The following CADPS2 variants were observed in gnomAD, a reference collection of about 807,000 sequenced individuals.
CADPS2 encodes the protein calcium dependent secretion activator 2, also known as calcium-dependent secretion activator 2.
A neutral mutation model predicts 172.5 loss-of-function variants in CADPS2; 93 were observed. The observed-to-expected ratio is 0.54, with a 90% CI of 0.46 to 0.64. The LOEUF is 0.64. Among genes scored for constraint, CADPS2 ranks in the 30% least tolerant of loss-of-function variants. CADPS2 has a pLI of 0.00. For synonymous variants in CADPS2, 546 were observed against 555.2 expected (o/e 0.98, Z 0.23); for missense variants, 1,420 against 1,565.9 (o/e 0.91, Z 1.57).
Position 122,319,036 on chromosome 7 carries a change from CAAG to C in CADPS2, c.*1126_*1128del, listed in dbSNP as rs1212008205. ...AATACAATTATCTCTCAAACCCTAG[CAAG>C]AAAATATTTTGAGAGAACCACTAAT... On this transcript the variant is annotated 3_prime_UTR_variant, in exon 30 of 30. Coordinates refer to ENST00000449022, the MANE Select transcript of CADPS2 (RefSeq NM_017954.11). The C allele has an allele frequency of 6.6e-6, 1 of 152,036 alleles. No homozygotes were observed. The highest frequency in any genetic ancestry group is 2.4e-5 in the African/African-American group (1 of 41,394). The allele number at this position is 152,036 out of a possible 1,614,324, so 9.4% of individuals were successfully genotyped here. A position where few individuals can be genotyped will look rare whatever the true frequency, so the allele number is the denominator to read the frequency against.
At chr7:122,361,092 A>T (rs979076524) in intron 25 of CADPS2, 79 bp from the exon 26 acceptor site, 5 of 1,191,168 alleles carry the variant, frequency 4.2e-6, no homozygotes, top group Non-Finnish European at 6.0e-6. Context: ...TCCTGAATCA[A>T]TTTCTTCCAT....
At chr7:122,384,813 A>G (rs1170145271) in intron 24 of CADPS2, among the ~76,000 whole-genome samples, 9 of 152,064 alleles carry the variant, frequency 5.9e-5, no homozygotes, top group African/African-American at 1.4e-4. Context: ...CAATGTAACA[A>G]TGTTCATCAT....
intron 14 of CADPS2, among the ~76,000 whole-genome samples, chr7:122,457,017 T>G (rs1328091730): frequency 6.6e-6 from 1 of 152,142 alleles, no homozygotes; most frequent in East Asian, 1.9e-4. Flanking sequence ...AGCTCTAAAT[T>G]GAAAAAGGTA....
intron 8 of CADPS2, among the ~76,000 whole-genome samples, chr7:122,529,800 G>A (rs1164253051): frequency 6.6e-6 from 1 of 152,042 alleles, no homozygotes; most frequent in Admixed American, 6.6e-5. Flanking sequence ...CTGGGTATGA[G>A]GTTTGATTCA....
intron 1 of CADPS2, among the ~76,000 whole-genome samples, chr7:122,799,364 C>T (rs1207925317): frequency 6.6e-6 from 1 of 152,118 alleles, no homozygotes; most frequent in Non-Finnish European, 1.5e-5. Flanking sequence ...CTTTGGGAGG[C>T]CAAGGCGGGT....
intron 7 of CADPS2, among the ~76,000 whole-genome samples, chr7:122,563,344 T>C (rs1176367238): frequency 6.6e-6 from 1 of 152,174 alleles, no homozygotes; most frequent in African/African-American, 2.4e-5. Context: ...TTTTTACTAG[T>C]CTGATTATAA....
chr7:122,570,290 C>T (rs545404799), intron 7 of CADPS2, among the ~76,000 whole-genome samples: 13 of 152,290 alleles, frequency 8.5e-5, no homozygotes, highest in South Asian at 2.1e-4. Context: ...AAATGCTCAT[C>T]GTCACTGACC....
chr7:122,686,511 A>G (rs574670743), intron 2 of CADPS2, among the ~76,000 whole-genome samples: 13 of 152,328 alleles, frequency 8.5e-5, no homozygotes, highest in African/African-American at 2.9e-4. Flanking sequence ...TTGGTGAACC[A>G]GATTGCTGCC....
chr7:122,527,206 C>T (rs995411622), intron 8 of CADPS2, among the ~76,000 whole-genome samples: 4 of 152,044 alleles, frequency 2.6e-5, no homozygotes, highest in Admixed American at 2.6e-4. Flanking sequence ...CATGGAGCAG[C>T]TGCTGTGAAA....
At chr7:122,828,131 G>A (rs1584711852) in intron 1 of CADPS2, among the ~76,000 whole-genome samples, 1 of 151,968 alleles carries the variant, frequency 6.6e-6, no homozygotes, top group Admixed American at 6.6e-5. Flanking sequence ...CTCTGTGGTA[G>A]GTTTACCCTG....
intron 2 of CADPS2, among the ~76,000 whole-genome samples, chr7:122,730,755 A>G (rs1244212860): frequency 6.6e-6 from 1 of 151,626 alleles, no homozygotes; most frequent in Non-Finnish European, 1.5e-5. Context: ...TTTATAATGT[A>G]CTATTTTTAG....
chr7:122,679,147 C>T (rs1032458253), intron 2 of CADPS2, among the ~76,000 whole-genome samples: 4 of 151,394 alleles, frequency 2.6e-5, no homozygotes, highest in African/African-American at 7.3e-5. Context: ...GCCTGTGGGC[C>T]GGGCAGGACA....
chr7:122,645,404 C>T (rs866253469), intron 3 of CADPS2, among the ~76,000 whole-genome samples: 20 of 26,188 alleles, frequency 7.6e-4, no homozygotes, highest in African/African-American at 1.0e-3. Context: ...TATATATGTA[C>T]ATATACACAC....
chr7:122,877,490 C>T (rs576975338), intron 1 of CADPS2, among the ~76,000 whole-genome samples: 3 of 152,052 alleles, frequency 2.0e-5, no homozygotes, highest in Non-Finnish European at 4.4e-5. Flanking sequence ...GCTTCAACTG[C>T]CTACCTAGAA....
Position 122,527,617 on chromosome 7 carries a change from A to AGAGAGAGAGAGAGAGAGAGTGTGT in CADPS2, c.1476-14303_1476-14302insACACACTCTCTCTCTCTCTCTCTC. On this transcript the variant is annotated intron_variant, in intron 8 of 29. Transcript: ENST00000449022. The stretch of plus-strand genomic sequence containing the variant: ...GAGAGAGAGAGAGAGAGAGAGAGAG[A>AGAGAGAGAGAGAGAGAGAGTGTGT]GTGTGTGTGTGTGTGTGTGTGTGTG... Among the ~76,000 whole-genome samples the AGAGAGAGAGAGAGAGAGAGTGTGT allele has an allele frequency of 4.8e-4, 40 of 83,870 alleles. 1 individual carries two copies. Among genetic ancestry groups the AGAGAGAGAGAGAGAGAGAGTGTGT allele is most frequent in the Non-Finnish European group, 8.9e-4 (34 of 38,326 alleles). The allele number at this position is 83,870 out of a possible 152,430, so 55.0% of individuals were successfully genotyped here.
At chr7:122,445,002 C>A (rs556906680) in intron 15 of CADPS2, among the ~76,000 whole-genome samples, 2 of 152,006 alleles carry the variant, frequency 1.3e-5, no homozygotes, top group African/African-American at 4.8e-5. Context: ...TAGCATCTGT[C>A]GGAAAAAAGT....
intron 2 of CADPS2, among the ~76,000 whole-genome samples, chr7:122,671,966 T>C (rs1390318772): frequency 2.6e-5 from 4 of 152,104 alleles, no homozygotes; most frequent in Non-Finnish European, 5.9e-5. Context: ...GTATAAAACA[T>C]GGACCTTGTC....
chr7:122,430,781 C>T (rs1267410033), intron 17 of CADPS2, among the ~76,000 whole-genome samples: 1 of 152,122 alleles, frequency 6.6e-6, no homozygotes, highest in Non-Finnish European at 1.5e-5. Context: ...AGAAAGAAGA[C>T]ATTTAGAGGG....
chr7:122,613,098 C>T (rs1255848820), intron 6 of CADPS2, among the ~76,000 whole-genome samples: 2 of 151,932 alleles, frequency 1.3e-5, no homozygotes, highest in Non-Finnish European at 2.9e-5. Flanking sequence ...GGAGAAAGCA[C>T]AGAGCTAAAT....
Sources: allele counts gnomAD v4.1 joint callset (sites outside exome capture counted in the v4.1 genomes callset), GRCh38; gene constraint gnomAD v4.1.1; transcripts MANE v1.5; gene names NCBI Gene and HGNC (gene_info 2026-07-23, HGNC 2026-07-21).